Variants in GREB1 observed in about 807,000 individuals in gnomAD.
The protein encoded by GREB1 is protein GREB1.
Under a neutral mutation model 200.7 loss-of-function variants are expected in GREB1, and 106 were observed. The observed-to-expected ratio is 0.53, with a 90% confidence interval of 0.45 to 0.62. The LOEUF is 0.62. GREB1 is among the 20% of genes least tolerant of loss of function. The pLI, the probability that GREB1 is intolerant of heterozygous loss-of-function variation, is 0.00. For missense variants in GREB1, 2,243 were observed against 2,556.8 expected, an observed-to-expected ratio of 0.88 and a Z score of 2.65; for synonymous variants, 1,132 against 1,092.4, an observed-to-expected ratio of 1.04 and a Z score of -0.72.
chr2:11,502,387 A>ATT (rs760217942), intron 1 of GREB1, among the ~76,000 whole-genome samples: 14 of 137,164 alleles, frequency 1.0e-4, no homozygotes, highest in African/African-American at 1.6e-4. Context: ...GACCTGGCTA[A>ATT]TTTTTTTTTT....
chr2:11,486,666 G>A (rs1035477151), intron 1 of GREB1, among the ~76,000 whole-genome samples: 11 of 152,014 alleles, frequency 7.2e-5, no homozygotes, highest in Non-Finnish European at 1.2e-4. Context: ...CCAGGAGTTC[G>A]AGACTAGCCT....
chr2:11,615,023 G>C (rs764852479), intron 19 of GREB1, 68 bp from the exon 20 acceptor site: 7 of 1,206,776 alleles, frequency 5.8e-6, no homozygotes, highest in Middle Eastern at 1.9e-4. Flanking sequence ...AGTGCTGCCT[G>C]CCGCAGTGGG....
At chr2:11,600,403 A>G (rs1681678492) in intron 15 of GREB1, among the ~76,000 whole-genome samples, 1 of 152,166 alleles carries the variant, frequency 6.6e-6, no homozygotes, top group Non-Finnish European at 1.5e-5. Flanking sequence ...TTACTCTTTT[A>G]CATCTTTTCT....
chr2:11,507,113 A>G (rs1056835064), intron 1 of GREB1, among the ~76,000 whole-genome samples: 5 of 152,206 alleles, frequency 3.3e-5, no homozygotes, highest in Non-Finnish European at 7.3e-5. Context: ...TTCATGATTA[A>G]TTATAGTAAT....
intron 1 of GREB1, among the ~76,000 whole-genome samples, chr2:11,517,059 T>G (rs1208075826): frequency 6.6e-6 from 1 of 152,238 alleles, no homozygotes; most frequent in African/African-American, 2.4e-5. Flanking sequence ...TCTTTGCCGC[T>G]GTGTCTGGAA....
intron 1 of GREB1, among the ~76,000 whole-genome samples, chr2:11,505,628 G>T (rs1673164969): frequency 1.3e-5 from 2 of 152,274 alleles, no homozygotes; most frequent in South Asian, 2.1e-4. Context: ...GATCACCTGA[G>T]GTCAGGAGTT....
chr2:11,538,949 G>GTCCCC (rs1339788155), intron 1 of GREB1, among the ~76,000 whole-genome samples: 1,600 of 9,708 alleles, frequency 0.16, 473 homozygotes, highest in African/African-American at 0.27. Context: ...CTCCCCTCGT[G>GTCCCC]TCCCCTCCCC....
chr2:11,588,290 C>T, intron 9 of GREB1: 1 of 1,088,010 alleles, frequency 9.2e-7, no homozygotes, highest in Non-Finnish European at 1.1e-6. Flanking sequence ...CCCAACTCAC[C>T]TTGCCAGACA....
In GREB1 at chr2:11,615,070, CCTT is replaced by C; in HGVS notation, c.3123-15_3123-13del. The C allele has an allele frequency of 1.9e-6, 3 of 1,597,598 alleles. No homozygotes were observed. Among genetic ancestry groups the C allele is most frequent in the Non-Finnish European group, 2.6e-6 (3 of 1,164,954 alleles). ...ACTTGTGGAAGGCACTAAACAGACACCTTCTTCTGTGTCTTGCTAGGTCTTTGA... is the reference window on the plus strand; with the variant it reads ...ACTTGTGGAAGGCACTAAACAGACACCTTCTGTGTCTTGCTAGGTCTTTGA... On this transcript the variant is annotated intron_variant, in intron 19 of 32. Coordinates refer to ENST00000381486, the MANE Select transcript of GREB1 (RefSeq NM_014668.4).
At position 11,588,731 on chromosome 2, in the gene GREB1, G is replaced by T. The variant is rs200290222; in HGVS notation, c.1160-15G>T. On this transcript the variant is annotated splice_polypyrimidine_tract_variant and intron_variant, in intron 9 of 32. Transcript: ENST00000381486. ...GCACAAGACTGGGTGCCAAGTCGCTGCTGTTCCTCTGCAGGCCATGGGAAC... is the reference window on the plus strand; with the variant it reads ...GCACAAGACTGGGTGCCAAGTCGCTTCTGTTCCTCTGCAGGCCATGGGAAC... 8.7e-6 allele frequency: 14 copies of T among 1,613,340 alleles called. No homozygotes were observed. Among genetic ancestry groups the T allele is most frequent in the Non-Finnish European group, 1.1e-5 (13 of 1,179,246 alleles).
chr2:11,534,362 A>G (rs1674193000), intron 1 of GREB1, 108 bp downstream of exon 1: 1 of 152,236 alleles, frequency 6.6e-6, no homozygotes, highest in African/African-American at 2.4e-5. Context: ...TGTTTCTTGC[A>G]GAGGAAATCA....
chr2:11,530,872 G>A (rs1192283701), upstream of GREB1, among the ~76,000 whole-genome samples: 1 of 152,152 alleles, frequency 6.6e-6, no homozygotes, highest in Non-Finnish European at 1.5e-5. Flanking sequence ...AATGTGGGAA[G>A]GCTGTGTGGG....
chr2:11,526,897 A>T (rs1673896121), intron 1 of GREB1, among the ~76,000 whole-genome samples: 1 of 152,074 alleles, frequency 6.6e-6, no homozygotes, highest in African/African-American at 2.4e-5. Context: ...TTATCTTGAT[A>T]TTTCTAAATA....
At chr2:11,600,498 C>T (rs933051441) in intron 15 of GREB1, among the ~76,000 whole-genome samples, 2 of 152,220 alleles carry the variant, frequency 1.3e-5, no homozygotes, top group Non-Finnish European at 2.9e-5. Flanking sequence ...ATTCATGGAA[C>T]ATCCCCAGGG....
chr2:11,598,198 C>G (rs1681439978), intron 14 of GREB1, among the ~76,000 whole-genome samples: 1 of 152,258 alleles, frequency 6.6e-6, no homozygotes. Flanking sequence ...CCATGTCCCA[C>G]TCAGGCTAGT....
chr2:11,577,136 C>A (rs1678945630), intron 5 of GREB1, among the ~76,000 whole-genome samples: 1 of 152,126 alleles, frequency 6.6e-6, no homozygotes, highest in South Asian at 2.1e-4. Context: ...GTTCTCATCT[C>A]CCCAGATTGA....
rs186068690 is a variant in GREB1, at chr2:11,609,246, A to T, written c.2667-1442A>T. 3.7e-4 allele frequency among the ~76,000 whole-genome samples: 46 copies of T among 124,206 alleles called. No individual in the cohort carries two copies. The South Asian group carries it at 1.0e-2, about 27-fold the overall frequency. 81.5% of individuals were successfully genotyped at this position (124,206 alleles called of 152,430 possible). On this transcript the variant is annotated intron_variant, in intron 17 of 32. Transcript: ENST00000381486. ...CTTTCTTCCTGGGCATTATTATTTT[A>T]TTTATTTATTTATTTATTTATTTAT...
In GREB1 at chr2:11,592,329, A is replaced by AT. The variant is rs113949768; in HGVS notation, c.1346-430dup. Among the ~76,000 whole-genome samples the AT allele has an allele frequency of 5.5e-3, 748 of 136,258 alleles. 4 individuals carry two copies. Among genetic ancestry groups the AT allele is most frequent in the Middle Eastern group, 0.02 (5 of 246 alleles). 89.4% of individuals were successfully genotyped at this position (136,258 alleles called of 152,430 possible). A position where few individuals can be genotyped will look rare whatever the true frequency, so the allele number is the denominator to read the frequency against. ...GTGAGTGGCTTGGTAGCAAAGTAAGATTTTTTTTTTTTTTTTTAAAAAGAG... is the reference window on the plus strand; with the variant it reads ...GTGAGTGGCTTGGTAGCAAAGTAAGATTTTTTTTTTTTTTTTTTAAAAAGAG... On this transcript the variant is annotated intron_variant, in intron 10 of 32. Transcript: ENST00000381486.
At position 11,633,916 on chromosome 2, in the gene GREB1, T is replaced by C. The variant is rs1345742415; in HGVS notation, c.4992-215T>C. ...CCATGGAGTTGTTGTGAGAATTGAC[T>C]AAATTATGGTCTGCAAATGTGTTCA... On this transcript the variant is annotated intron_variant, in intron 28 of 32. Transcript: ENST00000381486. This position sits in a 1 kb window ranked among gnomAD's most constrained non-coding sequence, Gnocchi z 4.1. Among the ~76,000 whole-genome samples the C allele has an allele frequency of 6.6e-6, 1 of 152,220 alleles. No individual in the cohort carries two copies. Among genetic ancestry groups the C allele is most frequent in the Non-Finnish European group, 1.5e-5 (1 of 68,040 alleles).
Sources: allele counts gnomAD v4.1 joint callset (sites outside exome capture counted in the v4.1 genomes callset), GRCh38; gene constraint gnomAD v4.1.1; non-coding constraint Gnocchi (gnomAD v3.1); transcripts MANE v1.5; gene names NCBI Gene and HGNC (gene_info 2026-07-23, HGNC 2026-07-21).